TRIML1: variants seen among roughly 807,000 people sequenced by gnomAD.
The protein encoded by TRIML1 is tripartite motif family like 1, also known as probable E3 ubiquitin-protein ligase TRIML1.
Under a neutral mutation model 32.3 loss-of-function variants are expected in TRIML1, and 34 were observed. The observed-to-expected ratio is 1.05, with a 90% confidence interval of 0.80 to 1.40. The LOEUF (loss-of-function observed/expected upper bound fraction) is 1.40, where lower values mean the gene tolerates loss of function less well. Among genes scored for constraint, TRIML1 ranks in the 40% most tolerant of loss-of-function variants. The pLI is 0.00. For missense variants in TRIML1, 595 were observed against 574.9 expected (o/e 1.03, Z -0.36); for synonymous variants, 244 against 226.6 (o/e 1.08, Z -0.69).
At chr4:188,144,920 C>G (rs1466534728) in intron 5 of TRIML1, among the ~76,000 whole-genome samples, 1 of 152,114 alleles carries the variant, frequency 6.6e-6, no homozygotes, top group East Asian at 1.9e-4. Flanking sequence ...ACAATCTGAC[C>G]TTCAGAGGAA....
At position 188,144,040 on chromosome 4, in the gene TRIML1, G is replaced by C. The variant is rs267600120; in HGVS notation, c.763G>C (p.Glu255Gln). The change falls in exon 5 of 6, where the codon GAG becomes CAG. Residue 255 changes from glutamate (E) to glutamine (Q), a missense_variant. Physicochemically the swap from Glu to Gln is conservative, Grantham distance 29. Transcript: ENST00000332517. ...AACCTCTCTGCTCTCTTGCAGGAGCGAGCCACTCTTGCTTCAGTGTCCAGA... is the reference window on the plus strand; with the variant it reads ...AACCTCTCTGCTCTCTTGCAGGAGCCAGCCACTCTTGCTTCAGTGTCCAGA... ...EEVRGALERS[E>Q]PLLLQCPEAT... 4 of 1,613,858 alleles carry C rather than the reference G, an allele frequency of 2.5e-6. No individual in the cohort carries two copies. Among genetic ancestry groups the C allele is most frequent in the Non-Finnish European group, 3.4e-6 (4 of 1,179,990 alleles).
chr4:188,141,638 A>G (rs1168092062), intron 2 of TRIML1, among the ~76,000 whole-genome samples: 2 of 152,034 alleles, frequency 1.3e-5, no homozygotes, highest in African/African-American at 4.8e-5. Context: ...ACTACTTGTC[A>G]TATTTCTTAC....
At position 188,139,565 on chromosome 4, in the gene TRIML1, A is replaced by G; in HGVS notation, c.7A>G (p.Thr3Ala). The G allele has an allele frequency of 2.5e-6, 4 of 1,579,890 alleles. No individual in the cohort carries two copies. Among genetic ancestry groups the G allele is most frequent in the Non-Finnish European group, 3.4e-6 (4 of 1,160,498 alleles). Residue 3 changes from threonine (T) to alanine (A), a missense_variant, in exon 1 of 6, where the codon ACA becomes GCA. Thr to Ala is a moderately conservative substitution (Grantham distance 58, BLOSUM62 0). Coordinates refer to ENST00000332517, the MANE Select transcript of TRIML1 (RefSeq NM_178556.5). Reference protein sequence around the residue: MSTADLMENLREE... With the variant: MSAADLMENLREE... ...CATATCCAGCCTCGAGAAAATGTCT[A>G]CAGCAGATCTGATGGAGAACCTCAG...
downstream of TRIML1, among the ~76,000 whole-genome samples, chr4:188,149,997 G>A (rs752487313): frequency 3.3e-5 from 5 of 151,864 alleles, no homozygotes; most frequent in African/African-American, 4.8e-5. Flanking sequence ...ATAGAGACAG[G>A]GTTTCACCAT....
At position 188,140,510 on chromosome 4, in the gene TRIML1, G is replaced by A. The variant is rs372971866; in HGVS notation, c.409-18G>A. The A allele has an allele frequency of 5.0e-6, 8 of 1,598,966 alleles. No homozygotes were observed. Among genetic ancestry groups the A allele is most frequent in the Non-Finnish European group, 6.0e-6 (7 of 1,167,822 alleles). ...GGGACTCTGCTCATTTGCCAGAAAG[G>A]GTTTGTTTCTATTGCAGGAGAAACT... On this transcript the variant is annotated intron_variant, in intron 1 of 5. Coordinates refer to ENST00000332517, the MANE Select transcript of TRIML1 (RefSeq NM_178556.5).
intron 1 of TRIML1, among the ~76,000 whole-genome samples, chr4:188,140,278 G>A (rs1734803484): frequency 1.3e-5 from 2 of 151,854 alleles, no homozygotes; most frequent in East Asian, 1.9e-4. Flanking sequence ...CCACCACCAC[G>A]CCCGGCTAAT....
At position 188,142,464 on chromosome 4, in the gene TRIML1, G is replaced by T; in HGVS notation, c.717G>T (p.Ser239=). 6.2e-7 allele frequency: 1 copy of T among 1,613,568 alleles called. No individual in the cohort carries two copies. The highest frequency in any genetic ancestry group is 8.5e-7 in the Non-Finnish European group (1 of 1,179,864). Residue 239 remains serine (S), a synonymous_variant, in exon 3 of 6, where the codon TCG becomes TCT. Coordinates refer to ENST00000332517, the MANE Select transcript of TRIML1 (RefSeq NM_178556.5). ...IAQIESSSQS[S]AFESLEEVRG... ...AGATTGAGTCCTCAAGTCAAAGCTC[G>T]GCTTTCGAATCTCTTGAGGTGAGAA...
chr4:188,143,619 C>T (rs1029739152), intron 3 of TRIML1: 5 of 627,988 alleles, frequency 8.0e-6, no homozygotes, highest in Non-Finnish European at 1.4e-5. Flanking sequence ...AAGAAAAGGA[C>T]AAAGTATTCT....
In TRIML1 at chr4:188,142,264, A is replaced by C. The variant is rs777901628; in HGVS notation, c.517A>C (p.Thr173Pro). ...RVKLCQEETKTCKQVVVSEYM... is the reference protein window; with the variant it reads ...RVKLCQEETKPCKQVVVSEYM... ...TGTGTTTTGGCAGGAAGAAACAAAG[A>C]CTTGTAAACAGGTTGTTGTGTCAGA... Residue 173 changes from threonine (T) to proline (P), a missense_variant, in exon 3 of 6, where the codon ACT becomes CCT. Thr to Pro is a conservative substitution (Grantham distance 38). Coordinates refer to ENST00000332517, the MANE Select transcript of TRIML1 (RefSeq NM_178556.5). 4 of 1,612,182 alleles carry C rather than the reference A, an allele frequency of 2.5e-6. No homozygotes were observed. In the Admixed American group the frequency reaches 6.7e-5, roughly 27 times the overall value.
At chr4:188,150,092 C>T (rs1214362490), downstream of TRIML1, among the ~76,000 whole-genome samples, 2 of 151,992 alleles carry the variant, frequency 1.3e-5, no homozygotes, top group Non-Finnish European at 2.9e-5. Context: ...ACGTGAGCCA[C>T]CGCGCCCGGC....
chr4:188,139,580 G>A lies in TRIML1; in HGVS notation c.22G>A (p.Glu8Lys). 6.3e-7 allele frequency: 1 copy of A among 1,595,024 alleles called. No homozygotes were observed. Among genetic ancestry groups the A allele is most frequent in the Non-Finnish European group, 8.6e-7 (1 of 1,168,044 alleles). Residue 8 changes from glutamate (E) to lysine (K), a missense_variant, in exon 1 of 6, where the codon GAG becomes AAG. By Grantham distance (56) the Glu-to-Lys change is moderately conservative. Transcript: ENST00000332517. MSTADLM[E>K]NLREELTCFI... ...GAAAATGTCTACAGCAGATCTGATG[G>A]AGAACCTCAGGGAGGAACTCACCTG...
At chr4:188,146,213 A>G (rs1441365670) in intron 5 of TRIML1, among the ~76,000 whole-genome samples, 1 of 152,154 alleles carries the variant, frequency 6.6e-6, no homozygotes, top group East Asian at 1.9e-4. Context: ...GGGTGTCCCT[A>G]TGTGGACGCA....
chr4:188,146,831 C>T lies in TRIML1; in HGVS notation c.866C>T (p.Thr289Met), dbSNP rs762267382. The change falls in exon 6 of 6, where the codon ACG becomes ATG. Residue 289 changes from threonine (T) to methionine (M), a missense_variant. Coordinates refer to ENST00000332517, the MANE Select transcript of TRIML1 (RefSeq NM_178556.5). ...EMLRKFSTEITLDPATANAYL... is the reference protein window; with the variant it reads ...EMLRKFSTEIMLDPATANAYL... ...TTTCCTCCTCTTGCAGCGGAGATAA[C>T]GCTGGACCCAGCCACAGCTAATGCC... 1.9e-5 allele frequency: 26 copies of T among 1,393,666 alleles called. No homozygotes were observed. Among genetic ancestry groups the T allele is most frequent in the African/African-American group, 4.4e-5 (3 of 68,600 alleles). 86.3% of individuals were successfully genotyped at this position (1,393,666 alleles called of 1,614,324 possible). A position where few individuals can be genotyped will look rare whatever the true frequency, so the allele number is the denominator to read the frequency against.
At chr4:188,137,423 C>T (rs537043528), upstream of TRIML1, among the ~76,000 whole-genome samples, 14 of 150,282 alleles carry the variant, frequency 9.3e-5, no homozygotes, top group Middle Eastern at 3.5e-3. Context: ...CTGCCTCAGC[C>T]TCCCAAGTAG....
downstream of TRIML1, among the ~76,000 whole-genome samples, chr4:188,149,238 G>A (rs889738812): frequency 6.6e-6 from 1 of 151,972 alleles, no homozygotes; most frequent in East Asian, 1.9e-4. Flanking sequence ...TTTTTAAATG[G>A]AATGTTCCCT....
At chr4:188,150,734 C>A (rs1234540718), downstream of TRIML1, among the ~76,000 whole-genome samples, 3 of 151,438 alleles carry the variant, frequency 2.0e-5, no homozygotes, top group Non-Finnish European at 4.4e-5. Flanking sequence ...CTCTTTGCTG[C>A]ACCATTGTGT....
Position 188,147,379 on chromosome 4 carries a change from T to C in TRIML1, c.*7T>C. 1 of 1,472,978 alleles carries C rather than the reference T, an allele frequency of 6.8e-7. No individual in the cohort carries two copies. The highest frequency in any genetic ancestry group is 2.4e-5 in the East Asian group (1 of 42,452). 91.2% of individuals were successfully genotyped at this position (1,472,978 alleles called of 1,614,324 possible). A position where few individuals can be genotyped will look rare whatever the true frequency, so the allele number is the denominator to read the frequency against. ...ACTGAACAGCCACGTCTGAGGGGCG[T>C]GCCCTGAGCCGTCACAGCGGGCGAT... is the stretch of plus-strand genomic sequence containing the variant. On this transcript the variant is annotated 3_prime_UTR_variant, in exon 6 of 6. Coordinates refer to ENST00000332517, the MANE Select transcript of TRIML1 (RefSeq NM_178556.5).
intron 1 of TRIML1, among the ~76,000 whole-genome samples, chr4:188,140,263 G>A (rs190335748): frequency 2.1e-4 from 32 of 152,204 alleles, no homozygotes; most frequent in African/African-American, 7.0e-4. Context: ...TGGGACTACA[G>A]TCACCCACCA....
At chr4:188,149,018 A>G (rs1421971023), downstream of TRIML1, among the ~76,000 whole-genome samples, 8 of 141,182 alleles carry the variant, frequency 5.7e-5, no homozygotes, top group African/African-American at 1.9e-4. Flanking sequence ...GGTTCACGCC[A>G]TTCTCCTGCC....
Sources: allele counts gnomAD v4.1 joint callset (sites outside exome capture counted in the v4.1 genomes callset), GRCh38; gene constraint gnomAD v4.1.1; transcripts MANE v1.5; gene names NCBI Gene and HGNC (gene_info 2026-07-23, HGNC 2026-07-21).